PRKG1: variants seen among roughly 807,000 people sequenced by gnomAD.
The protein encoded by PRKG1 is protein kinase cGMP-dependent 1.
A neutral mutation model predicts 88.1 loss-of-function variants in PRKG1; 35 were observed. The observed-to-expected ratio is 0.40, with a 90% CI of 0.30 to 0.53. PRKG1 has a LOEUF of 0.53. Ranked by LOEUF, PRKG1 falls within the 20% of genes least tolerant of loss-of-function variation. The pLI is 0.59. For missense variants in PRKG1, 540 were observed against 839.8 expected (o/e 0.64, Z 4.41); for synonymous variants, 303 against 292.5 (o/e 1.04, Z -0.37).
At chr10:51,652,925 T>A (rs1840075548) in intron 3 of PRKG1, among the ~76,000 whole-genome samples, 2 of 152,184 alleles carry the variant, frequency 1.3e-5, no homozygotes, top group African/African-American at 4.8e-5. Flanking sequence ...TTCTACGAAT[T>A]CAACATTTTT....
At chr10:51,670,728 T>G (rs1840543170) in intron 3 of PRKG1, among the ~76,000 whole-genome samples, 1 of 139,222 alleles carries the variant, frequency 7.2e-6, no homozygotes, top group Non-Finnish European at 1.5e-5. Flanking sequence ...AGAGCGAGAC[T>G]CCGTCTCAAA....
Position 51,086,591 on chromosome 10 carries a change from C to T in PRKG1, c.311+11690C>T, listed in dbSNP as rs148356939. 1.6e-4 allele frequency among the ~76,000 whole-genome samples: 25 copies of T among 152,212 alleles called. 1 individual carries two copies. The East Asian group carries it at 3.9e-3, about 24-fold the overall frequency. The stretch of plus-strand genomic sequence containing the variant: ...TCATATTCTATTCATTATATAACCA[C>T]GATAGTTTAAGCAACTCACCCCCTT... On this transcript the variant is annotated intron_variant, in intron 1 of 17. Transcript: ENST00000373980.
chr10:52,217,762 A>C (rs973683855), intron 9 of PRKG1, among the ~76,000 whole-genome samples: 2 of 152,198 alleles, frequency 1.3e-5, no homozygotes, highest in Non-Finnish European at 2.9e-5. Context: ...CCCTGTTGGT[A>C]GTATAGACAT....
At chr10:52,135,400 G>C (rs1168565656) in intron 8 of PRKG1, among the ~76,000 whole-genome samples, 3 of 152,078 alleles carry the variant, frequency 2.0e-5, no homozygotes, top group African/African-American at 7.2e-5. Flanking sequence ...GGGCAGTTCA[G>C]ACCATTTTAT....
intron 9 of PRKG1, among the ~76,000 whole-genome samples, chr10:52,163,532 A>G (rs1411770959): frequency 6.6e-6 from 1 of 152,056 alleles, no homozygotes; most frequent in African/African-American, 2.4e-5. Flanking sequence ...AAACTTTGAA[A>G]GTTTAATCTC....
intron 2 of PRKG1, among the ~76,000 whole-genome samples, chr10:51,429,057 A>G (rs1368244069): frequency 2.0e-5 from 3 of 152,134 alleles, no homozygotes; most frequent in Non-Finnish European, 4.4e-5. Context: ...CCAGTGCAGA[A>G]ACACAACAGG....
At chr10:51,694,859 C>T (rs969832526) in intron 3 of PRKG1, among the ~76,000 whole-genome samples, 5 of 152,134 alleles carry the variant, frequency 3.3e-5, no homozygotes, top group African/African-American at 1.2e-4. Context: ...CTTTCTACAT[C>T]AATATTGGAA....
chr10:52,026,857 C>T (rs573508455), intron 5 of PRKG1, among the ~76,000 whole-genome samples: 17 of 152,244 alleles, frequency 1.1e-4, no homozygotes, highest in Admixed American at 1.0e-3. Context: ...CATCTGTAGT[C>T]CCAGCTACTG....
intron 3 of PRKG1, among the ~76,000 whole-genome samples, chr10:51,713,834 A>G (rs1841820450): frequency 2.6e-5 from 4 of 152,220 alleles, no homozygotes; most frequent in Admixed American, 2.6e-4. Context: ...CAGGGCAGCA[A>G]TATAATTATA....
intron 9 of PRKG1, among the ~76,000 whole-genome samples, chr10:52,213,010 C>T (rs975363473): frequency 3.9e-5 from 6 of 152,056 alleles, no homozygotes; most frequent in Admixed American, 2.0e-4. Context: ...ATAACCACTG[C>T]GTACATGAAT....
chr10:51,571,489 T>C (rs1347785553), intron 3 of PRKG1, among the ~76,000 whole-genome samples: 4 of 151,884 alleles, frequency 2.6e-5, no homozygotes, highest in Admixed American at 2.0e-4. Flanking sequence ...GTGATATTTA[T>C]GTTATATTAA....
intron 5 of PRKG1, among the ~76,000 whole-genome samples, chr10:51,992,979 G>A (rs936959564): frequency 1.3e-5 from 2 of 152,102 alleles, no homozygotes; most frequent in Non-Finnish European, 2.9e-5. Context: ...CAGCGTTTGT[G>A]CTTAGTGCTT....
intron 3 of PRKG1, among the ~76,000 whole-genome samples, chr10:51,475,514 G>A (rs1395139521): frequency 6.6e-6 from 1 of 151,918 alleles, no homozygotes; most frequent in East Asian, 1.9e-4. Context: ...CTATATTGAG[G>A]AATTTAAAAG....
chr10:51,276,775 G>A (rs1472761052), intron 2 of PRKG1, among the ~76,000 whole-genome samples: 2 of 152,170 alleles, frequency 1.3e-5, no homozygotes, highest in Non-Finnish European at 2.9e-5. Flanking sequence ...TTTGAGAAGT[G>A]TCTGTTCATA....
chr10:52,023,961 G>C (rs1023798541), intron 5 of PRKG1, among the ~76,000 whole-genome samples: 2 of 152,096 alleles, frequency 1.3e-5, no homozygotes, highest in Non-Finnish European at 2.9e-5. Flanking sequence ...CATTGCTTTT[G>C]GTGGTTTAGT....
chr10:51,355,846 C>T (rs561928730), intron 2 of PRKG1, among the ~76,000 whole-genome samples: 19 of 152,078 alleles, frequency 1.2e-4, no homozygotes, highest in African/African-American at 3.6e-4. Context: ...GTAGTAGAAG[C>T]GAGTGTGGAT....
At chr10:51,358,377 CAGGTT>C (rs1227196679) in intron 2 of PRKG1, among the ~76,000 whole-genome samples, 1 of 151,816 alleles carries the variant, frequency 6.6e-6, no homozygotes, top group African/African-American at 2.4e-5. Flanking sequence ...AATGTTCACT[CAGGTT>C]AGGGGATAGG....
intron 3 of PRKG1, among the ~76,000 whole-genome samples, chr10:51,715,012 T>C (rs983398678): frequency 6.6e-6 from 1 of 152,130 alleles, no homozygotes; most frequent in East Asian, 1.9e-4. Context: ...TTTTTTTATT[T>C]CCCCCCGTGG....
intron 4 of PRKG1, among the ~76,000 whole-genome samples, chr10:51,820,786 T>C (rs987732419): frequency 2.0e-5 from 3 of 152,196 alleles, no homozygotes; most frequent in Non-Finnish European, 4.4e-5. Context: ...CTCATAGATC[T>C]TTTCTAGTTT....
Sources: allele counts gnomAD v4.1 joint callset (sites outside exome capture counted in the v4.1 genomes callset), GRCh38; gene constraint gnomAD v4.1.1; transcripts MANE v1.5; gene names NCBI Gene and HGNC (gene_info 2026-07-23, HGNC 2026-07-21).